Variants in SPTAN1 observed in about 807,000 individuals in gnomAD.
The protein encoded by SPTAN1 is spectrin alpha, non-erythrocytic 1, also known as spectrin alpha chain, non-erythrocytic 1.
In SPTAN1, 61 loss-of-function variants were observed where a neutral mutation model predicts 331.3. The ratio of observed to expected loss-of-function variants is 0.18; its 90% CI spans 0.15 to 0.23. The LOEUF is 0.23. Ranked by LOEUF, SPTAN1 falls within the 10% of genes least tolerant of loss-of-function variation. The pLI, the probability that SPTAN1 is intolerant of heterozygous loss-of-function variation, is 1.00. For synonymous variants in SPTAN1, 1,153 were observed against 1,173.9 expected, an observed-to-expected ratio of 0.98 and a Z score of 0.36; for missense variants, 2,043 against 3,147.9, an observed-to-expected ratio of 0.65 and a Z score of 8.40.
At chr9:128,590,221 GTC>G (rs1288110996) in intron 21 of SPTAN1, among the ~76,000 whole-genome samples, 1 of 152,240 alleles carries the variant, frequency 6.6e-6, no homozygotes, top group Non-Finnish European at 1.5e-5. Flanking sequence ...TTTCTATTGA[GTC>G]TAATTTAAAC....
At chr9:128,602,542 G>A (rs114097313) in intron 27 of SPTAN1, among the ~76,000 whole-genome samples, 3,369 of 151,232 alleles carry the variant, frequency 0.022, 106 homozygotes, top group African/African-American at 0.078. Context: ...AAAGGGTTGT[G>A]AGCATTATAA....
chr9:128,612,159 A>T lies in SPTAN1; in HGVS notation c.4956A>T (p.Ser1652=), dbSNP rs1259396682. Residue 1652 remains serine (S), a synonymous_variant, in exon 39 of 57, where the codon TCA becomes TCT. Coordinates refer to ENST00000372739, the MANE Select transcript of SPTAN1 (RefSeq NM_001130438.3). ...AGTGGCAGTTCTTGGTGCAAAAGTCAGCGGAAAAGAGCCAGAAACTGAAAG... is the reference window on the plus strand; with the variant it reads ...AGTGGCAGTTCTTGGTGCAAAAGTCTGCGGAAAAGAGCCAGAAACTGAAAG... ...ADQWQFLVQK[S]AEKSQKLKEA... is the part of the protein sequence containing the mutation. The T allele has an allele frequency of 1.2e-6, 2 of 1,613,998 alleles. No homozygotes were observed. Among genetic ancestry groups the T allele is most frequent in the African/African-American group, 1.3e-5 (1 of 74,898 alleles).
intron 1 of SPTAN1, among the ~76,000 whole-genome samples, chr9:128,565,786 T>C (rs1453701513): frequency 6.6e-6 from 1 of 152,222 alleles, no homozygotes; most frequent in African/African-American, 2.4e-5. Context: ...TTATTATACA[T>C]TGTAGAACAA....
Sources: allele counts gnomAD v4.1 joint callset (sites outside exome capture counted in the v4.1 genomes callset), GRCh38; gene constraint gnomAD v4.1.1; transcripts MANE v1.5; gene names NCBI Gene and HGNC (gene_info 2026-07-23, HGNC 2026-07-21).